Variants in BICDL1 observed in about 807,000 individuals in gnomAD.
BICDL1 encodes the protein BICD family like cargo adaptor 1, also known as BICD family-like cargo adapter 1.
BICDL1 carries 20 observed loss-of-function variants against 76.8 expected under a neutral mutation model. The ratio of observed to expected loss-of-function variants is 0.26; its 90% CI spans 0.18 to 0.38. The LOEUF (loss-of-function observed/expected upper bound fraction) is 0.38, where lower values mean the gene tolerates loss of function less well. BICDL1 is among the 10% of genes least tolerant of loss of function. The pLI, the probability that BICDL1 is intolerant of heterozygous loss-of-function variation, is 1.00. For missense variants in BICDL1, 700 were observed against 798.6 expected, an observed-to-expected ratio of 0.88 and a Z score of 1.49; for synonymous variants, 383 against 337.1, an observed-to-expected ratio of 1.14 and a Z score of -1.49.
Position 120,058,672 on chromosome 12 carries a change from C to G in BICDL1, c.646-3038C>G, listed in dbSNP as rs530958960. ...GTGGCGCGATCTTGGCTCACTGCAACCTCCCTCTCCTGGGTTTAAGCGATT... is the reference window on the plus strand; with the variant it reads ...GTGGCGCGATCTTGGCTCACTGCAAGCTCCCTCTCCTGGGTTTAAGCGATT... On this transcript the variant is annotated intron_variant, in intron 2 of 9. Coordinates refer to ENST00000548673, the MANE Select transcript of BICDL1 (RefSeq NM_001367886.1). 5.3e-5 allele frequency among the ~76,000 whole-genome samples: 8 copies of G among 150,542 alleles called. No homozygotes were observed. The East Asian group carries it at 1.6e-3, about 30-fold the overall frequency.
At chr12:120,072,883 G>C (rs1873217256) in intron 6 of BICDL1, among the ~76,000 whole-genome samples, 154 bp downstream of exon 6, 1 of 152,088 alleles carries the variant, frequency 6.6e-6, no homozygotes, top group African/African-American at 2.4e-5. Flanking sequence ...TTTGGATTTT[G>C]TTTTTGAGAC....
At position 120,093,328 on chromosome 12, in the gene BICDL1, C is replaced by A; in HGVS notation, c.*167C>A. 1.3e-6 allele frequency: 1 copy of A among 787,426 alleles called. No individual in the cohort carries two copies. Among genetic ancestry groups the A allele is most frequent in the East Asian group, 2.8e-5 (1 of 35,888 alleles). 48.8% of individuals were successfully genotyped at this position (787,426 alleles called of 1,614,324 possible). ...TCCCTTTCGTCGGTGGGGATGGAGA[C>A]CTAGAGGTGGGGGCCTGCCTTGGCC... On this transcript the variant is annotated 3_prime_UTR_variant, in exon 10 of 10. Transcript: ENST00000548673.
At chr12:120,006,122 C>T (rs1375817151) in intron 2 of BICDL1, among the ~76,000 whole-genome samples, 2 of 152,062 alleles carry the variant, frequency 1.3e-5, no homozygotes, top group East Asian at 3.8e-4. Flanking sequence ...TCACAAAAGT[C>T]AAGATAATGG....
intron 4 of BICDL1, among the ~76,000 whole-genome samples, chr12:120,067,090 G>A (rs556222185): frequency 6.6e-6 from 1 of 152,280 alleles, no homozygotes; most frequent in South Asian, 2.1e-4. Flanking sequence ...CTGAGAATAA[G>A]CATAAAAATT....
chr12:120,017,823 G>A (rs998458615), intron 2 of BICDL1, among the ~76,000 whole-genome samples: 4 of 152,270 alleles, frequency 2.6e-5, no homozygotes, highest in African/African-American at 9.6e-5. Context: ...TGATTTAATC[G>A]AGTATAGGCT....
At position 119,989,304 on chromosome 12, in the gene BICDL1, AGCCGCCGTC is replaced by A. The variant is rs1418294907; in HGVS notation, c.-557_-549del. On this transcript the variant is annotated 5_prime_UTR_variant, in exon 1 of 10. Transcript: ENST00000548673. Reference sequence around the variant, plus strand: ...CCGCCTCGGCCCCTGCAGCAGCAGCAGCCGCCGTCGCCGCCGCTGCTGCTGGGGCTGCCG... The same window carrying A: ...CCGCCTCGGCCCCTGCAGCAGCAGCAGCCGCCGCTGCTGCTGGGGCTGCCG... Among the ~76,000 whole-genome samples the A allele has an allele frequency of 6.8e-6, 1 of 146,290 alleles. No homozygotes were observed. Among genetic ancestry groups the A allele is most frequent in the African/African-American group, 2.6e-5 (1 of 38,696 alleles).
At chr12:120,028,170 A>C (rs1366451018) in intron 2 of BICDL1, among the ~76,000 whole-genome samples, 1 of 152,220 alleles carries the variant, frequency 6.6e-6, no homozygotes, top group Non-Finnish European at 1.5e-5. Context: ...TAGAATTGGA[A>C]TGTAGCTCTG....
At chr12:120,020,192 A>G (rs1029794764) in intron 2 of BICDL1, among the ~76,000 whole-genome samples, 1 of 93,174 alleles carries the variant, frequency 1.1e-5, no homozygotes, top group Admixed American at 9.7e-5. Flanking sequence ...AGCCTGACAC[A>G]TTATCTTGTG....
Position 119,989,972 on chromosome 12 carries a change from G to C in BICDL1, c.104G>C (p.Arg35Pro). 1 of 1,469,164 alleles carries C rather than the reference G, an allele frequency of 6.8e-7. No individual in the cohort carries two copies. The highest frequency in any genetic ancestry group is 8.9e-7 in the Non-Finnish European group (1 of 1,124,640). The allele number at this position is 1,469,164 out of a possible 1,614,324, so 91.0% of individuals were successfully genotyped here. A position where few individuals can be genotyped will look rare whatever the true frequency, so the allele number is the denominator to read the frequency against. Residue 35 changes from arginine to proline, a missense_variant, in exon 1 of 10, where the codon CGG becomes CCG. Coordinates refer to ENST00000548673, the MANE Select transcript of BICDL1 (RefSeq NM_001367886.1). ...ELPAAAGDAV[R>P]SPAAAAALIF... ...CCCGCCGCGGCCGGGGACGCAGTCC[G>C]GAGTCCCGCCGCCGCCGCCGCCCTC... is the stretch of plus-strand genomic sequence containing the variant.
intron 7 of BICDL1, among the ~76,000 whole-genome samples, chr12:120,075,660 C>T (rs1873486530): frequency 6.6e-6 from 1 of 152,240 alleles, no homozygotes; most frequent in Non-Finnish European, 1.5e-5. Context: ...GCTGGGATTA[C>T]AGGTGTGACC....
chr12:120,003,890 TA>T (rs1163454470), intron 2 of BICDL1, among the ~76,000 whole-genome samples: 1 of 152,178 alleles, frequency 6.6e-6, no homozygotes, highest in Admixed American at 6.5e-5. Context: ...GATTGGCCAT[TA>T]TTTGGGTTTA....
At chr12:120,028,227 A>G (rs1222483266) in intron 2 of BICDL1, among the ~76,000 whole-genome samples, 1 of 152,196 alleles carries the variant, frequency 6.6e-6, no homozygotes, top group East Asian at 1.9e-4. Context: ...GGTTTGGTAG[A>G]TCTTCTCCAA....
At chr12:120,033,930 C>T (rs1393923575) in intron 2 of BICDL1, among the ~76,000 whole-genome samples, 1 of 152,058 alleles carries the variant, frequency 6.6e-6, no homozygotes, top group Admixed American at 6.5e-5. Context: ...ATGTGAGATC[C>T]CCCTTATTCA....
chr12:120,082,921 C>A (rs1874106290), intron 8 of BICDL1, among the ~76,000 whole-genome samples: 1 of 152,024 alleles, frequency 6.6e-6, no homozygotes, highest in Non-Finnish European at 1.5e-5. Flanking sequence ...CACTCTGTCA[C>A]CCATGCTCAC....
In BICDL1 at chr12:120,090,029, T is replaced by C; in HGVS notation, c.1662T>C (p.Ile554=). ...TGAACAGCCAGTTGCTGGATGCCATTCAGCAGAAACTGAACCTCTCGCAGC... is the reference window on the plus strand; with the variant it reads ...TGAACAGCCAGTTGCTGGATGCCATCCAGCAGAAACTGAACCTCTCGCAGC... ...MSLNSQLLDA[I]QQKLNLSQQL... is the part of the protein sequence containing the mutation. The change falls in exon 9 of 10, where the codon ATT becomes ATC. Residue 554 remains isoleucine, a synonymous_variant. Transcript: ENST00000548673. 1 of 1,614,154 alleles carries C rather than the reference T, an allele frequency of 6.2e-7. No individual in the cohort carries two copies. Among genetic ancestry groups the C allele is most frequent in the Non-Finnish European group, 8.5e-7 (1 of 1,180,004 alleles).
intron 2 of BICDL1, among the ~76,000 whole-genome samples, chr12:120,020,334 C>T (rs1417817585): frequency 2.0e-5 from 3 of 152,242 alleles, no homozygotes; most frequent in East Asian, 1.9e-4. Flanking sequence ...GAAGGCGGGA[C>T]GGCTGGAGAG....
intron 2 of BICDL1, among the ~76,000 whole-genome samples, chr12:120,006,082 C>A (rs546337541): frequency 6.6e-6 from 1 of 152,206 alleles, no homozygotes; most frequent in South Asian, 2.1e-4. Context: ...ATACATAGTA[C>A]AACTATAAAG....
chr12:119,990,128 C>T lies in BICDL1; in HGVS notation c.260C>T (p.Ala87Val), dbSNP rs1173419502. 5.8e-6 allele frequency: 9 copies of T among 1,549,506 alleles called. No homozygotes were observed. The Admixed American group carries it at 9.8e-5, about 17-fold the overall frequency. ...QAEPGSLAEG[A>V]GPQPPPSQDP... is the part of the protein sequence containing the mutation. Reference sequence around the variant, plus strand: ...GAGCCTGGGTCTCTGGCCGAGGGGGCCGGACCGCAGCCGCCGCCCTCCCAG... The same window carrying T: ...GAGCCTGGGTCTCTGGCCGAGGGGGTCGGACCGCAGCCGCCGCCCTCCCAG... The change falls in exon 1 of 10, where the codon GCC (alanine) becomes GTC (valine). Residue 87 changes from alanine to valine, a missense_variant. Ala to Val is a moderately conservative substitution (Grantham distance 64). Around this residue, in one of 3 missense-constraint regions of BICDL1, gnomAD observed 225 missense variants for 199.6 expected, o/e 1.13. Coordinates refer to ENST00000548673, the MANE Select transcript of BICDL1 (RefSeq NM_001367886.1).
In BICDL1 at chr12:119,990,294, C is replaced by T. The variant is rs1308629258; in HGVS notation, c.426C>T (p.Leu142=). The change falls in exon 1 of 10, where the codon CTC becomes CTT. Residue 142 remains leucine, a synonymous_variant. Transcript: ENST00000548673. The part of the protein sequence containing the change: ...EQMHKELTDK[L]EHLEQEKHEL... ...TGCATAAGGAGCTGACAGACAAGCT[C>T]GAGGTGAGGACCTCCCTCCAGGGAT... The T allele has an allele frequency of 3.2e-6, 5 of 1,562,140 alleles. No individual in the cohort carries two copies. The highest frequency in any genetic ancestry group is 1.4e-5 in the African/African-American group (1 of 73,630).
Sources: gnomAD v4.1 joint callset for allele counts (sites outside exome capture counted in the v4.1 genomes callset) on GRCh38, gnomAD v4.1.1 for gene constraint, gnomAD v4.1.1 regional missense constraint, MANE v1.5 for transcripts, NCBI Gene and HGNC (gene_info 2026-07-23, HGNC 2026-07-21) for gene names.